The following C12orf42 variants were observed in gnomAD, a reference collection of about 807,000 sequenced individuals.
The protein encoded by C12orf42 is chromosome 12 open reading frame 42.
C12orf42 carries 25 observed loss-of-function variants against 21.6 expected under a neutral mutation model. The observed-to-expected ratio is 1.16, with a 90% CI of 0.84 to 1.62. The LOEUF is 1.62. C12orf42 is among the 40% of genes most tolerant of loss of function. The probability of loss-of-function intolerance (pLI) is 0.00; values close to 1 mark genes in which losing one functional copy is unlikely to be tolerated. For missense variants in C12orf42, 483 were observed against 459.3 expected, an observed-to-expected ratio of 1.05 and a Z score of -0.47; for synonymous variants, 174 against 175.0, an observed-to-expected ratio of 0.99 and a Z score of 0.05.
the C12orf42 span, among the ~76,000 whole-genome samples, chr12:103,135,936 C>G: frequency 2.0e-5 from 3 of 152,256 alleles, no homozygotes; most frequent in Admixed American, 2.0e-4. Context: ...GTATGACAAA[C>G]CCACAGCTAA....
the C12orf42 span, among the ~76,000 whole-genome samples, chr12:103,195,146 G>A: frequency 6.6e-6 from 1 of 152,150 alleles, no homozygotes; most frequent in African/African-American, 2.4e-5. Context: ...TTATGGCTGT[G>A]TGGTATACCA....
chr12:103,561,242 C>T, the C12orf42 span, among the ~76,000 whole-genome samples: 1 of 152,192 alleles, frequency 6.6e-6, no homozygotes, highest in Non-Finnish European at 1.5e-5. Context: ...CGAACCAGAG[C>T]AAGCCCCAGC....
chr12:103,167,376 T>C, the C12orf42 span, among the ~76,000 whole-genome samples: 1 of 152,202 alleles, frequency 6.6e-6, no homozygotes, highest in African/African-American at 2.4e-5. Flanking sequence ...GACAATTTTG[T>C]GTCCCCCCAA....
At chr12:103,500,689 G>C (rs138001253), upstream of C12orf42, among the ~76,000 whole-genome samples, 1 of 152,212 alleles carries the variant, frequency 6.6e-6, no homozygotes, top group Non-Finnish European at 1.5e-5. Context: ...GTATTGTGTT[G>C]TGCATGTTAG....
the C12orf42 span, among the ~76,000 whole-genome samples, chr12:103,074,010 C>G: frequency 6.6e-6 from 1 of 152,128 alleles, no homozygotes; most frequent in South Asian, 2.1e-4. Flanking sequence ...TAACCTCTCC[C>G]TACAGCACAC....
intron 2 of C12orf42, among the ~76,000 whole-genome samples, chr12:103,404,610 G>A (rs983409773): frequency 9.9e-5 from 15 of 152,128 alleles, no homozygotes; most frequent in Non-Finnish European, 4.4e-5. Flanking sequence ...CACAAGAGTC[G>A]CCACATAAAC....
chr12:103,275,078 C>T (rs941383284), intron 5 of C12orf42, among the ~76,000 whole-genome samples: 4 of 151,922 alleles, frequency 2.6e-5, no homozygotes, highest in Non-Finnish European at 5.9e-5. Context: ...TGCCTAAATT[C>T]AGTTGAATTT....
the C12orf42 span, among the ~76,000 whole-genome samples, chr12:103,531,007 T>C: frequency 2.0e-5 from 3 of 152,140 alleles, no homozygotes; most frequent in Non-Finnish European, 4.4e-5. Context: ...AACAGGAATG[T>C]TTGTCACAAT....
chr12:103,181,121 G>A, the C12orf42 span, among the ~76,000 whole-genome samples: 1 of 151,856 alleles, frequency 6.6e-6, no homozygotes, highest in Non-Finnish European at 1.5e-5. Context: ...AATTACCTGG[G>A]CATGGTGGCA....
chr12:103,399,051 T>C (rs1394647650), intron 3 of C12orf42, among the ~76,000 whole-genome samples: 1 of 152,122 alleles, frequency 6.6e-6, no homozygotes, highest in Non-Finnish European at 1.5e-5. Flanking sequence ...CCCTCTTTTG[T>C]ATCCTTAAAT....
At chr12:103,559,714 C>T in the C12orf42 span, 1 of 152,168 alleles carries the variant, frequency 6.6e-6, no homozygotes, top group East Asian at 1.9e-4. Context: ...TGAATGGACA[C>T]CTGTGATTGT....
At chr12:103,496,807 A>G (rs1474966310), upstream of C12orf42, among the ~76,000 whole-genome samples, 1 of 58,350 alleles carries the variant, frequency 1.7e-5, no homozygotes, top group Non-Finnish European at 3.4e-5. Context: ...AAATATTTCT[A>G]GCCGGGAAAA....
At chr12:103,386,338 T>TA (rs751838891) in intron 3 of C12orf42, among the ~76,000 whole-genome samples, 101 of 138,920 alleles carry the variant, frequency 7.3e-4, no homozygotes, top group Non-Finnish European at 1.3e-3. Context: ...GGAATACAGT[T>TA]AAGAGCTCGG....
At chr12:103,490,954 T>C (rs561603531) in intron 1 of C12orf42, among the ~76,000 whole-genome samples, 1 of 152,266 alleles carries the variant, frequency 6.6e-6, no homozygotes, top group South Asian at 2.1e-4. Context: ...AATGTGTGCA[T>C]AGGGTTTTTA....
At chr12:103,363,133 G>T (rs928964693) in intron 4 of C12orf42, among the ~76,000 whole-genome samples, 37 of 152,240 alleles carry the variant, frequency 2.4e-4, no homozygotes, top group African/African-American at 8.9e-4. Context: ...AAACCTGTCA[G>T]ATTAACAGCG....
chr12:103,542,687 A>G, the C12orf42 span, among the ~76,000 whole-genome samples: 1 of 152,220 alleles, frequency 6.6e-6, no homozygotes, highest in African/African-American at 2.4e-5. Flanking sequence ...TACTATTTGG[A>G]GAATTACATC....
At chr12:103,351,573 A>C (rs752335729) in intron 4 of C12orf42, among the ~76,000 whole-genome samples, 8 of 152,128 alleles carry the variant, frequency 5.3e-5, no homozygotes, top group Non-Finnish European at 1.0e-4. Context: ...GAAACTGAAT[A>C]AATGTATCAG....
chr12:103,066,198 A>G, the C12orf42 span, among the ~76,000 whole-genome samples: 4 of 152,222 alleles, frequency 2.6e-5, no homozygotes, highest in Non-Finnish European at 4.4e-5. Context: ...TCATCAAGTC[A>G]TCATGTGACC....
intron 2 of C12orf42, among the ~76,000 whole-genome samples, chr12:103,462,095 G>GTTTTTTTTTTTTTTT (rs1565867930): frequency 1.3e-4 from 4 of 31,480 alleles, no homozygotes; most frequent in East Asian, 6.7e-4. Flanking sequence ...TTTTTTGCTT[G>GTTTTTTTTTTTTTTT]GTTTTTTTTT....
Sources: gnomAD v4.1 joint callset for allele counts (sites outside exome capture counted in the v4.1 genomes callset) on GRCh38, gnomAD v4.1.1 for gene constraint, MANE v1.5 for transcripts, NCBI Gene and HGNC (gene_info 2026-07-23, HGNC 2026-07-21) for gene names.